Variants in COPA observed in about 807,000 individuals in gnomAD.
COPA encodes the protein coatomer subunit alpha.
Under a neutral mutation model 158.7 loss-of-function variants are expected in COPA, and 10 were observed. That is an observed-to-expected ratio of 0.06 (90% CI 0.04 to 0.11). The LOEUF (loss-of-function observed/expected upper bound fraction) is 0.11. Among genes scored for constraint, COPA ranks in the 10% least tolerant of loss-of-function variants. COPA has a pLI of 1.00. For synonymous variants in COPA, 462 were observed against 542.8 expected, an observed-to-expected ratio of 0.85 and a Z score of 2.07; for missense variants, 1,065 against 1,536.7, an observed-to-expected ratio of 0.69 and a Z score of 5.13.
intron 12 of COPA, 40 bp from the exon 13 acceptor site, chr1:160,309,216 C>T (rs756631228): frequency 6.8e-7 from 1 of 1,463,668 alleles, no homozygotes; most frequent in East Asian, 2.3e-5. Context: ...TAGTGAGAAG[C>T]ACCCAAGATA....
At chr1:160,303,654 C>T (rs190157714) in intron 17 of COPA, among the ~76,000 whole-genome samples, 1 of 152,122 alleles carries the variant, frequency 6.6e-6, no homozygotes, top group African/African-American at 2.4e-5. Context: ...AGGATGAAAC[C>T]TAATATCCAT....
At position 160,291,888 on chromosome 1, in the gene COPA, A is replaced by G; in HGVS notation, c.3189T>C (p.Gly1063=). ...TCTTCCTTTCTGTCTCCACGGACAA[A>G]CCCACAATGTACTCACGGCAAATGG... is the stretch of plus-strand genomic sequence containing the variant. ...LITICREYIV[G]LSVETERKKL... Residue 1063 remains glycine, a synonymous_variant, in exon 30 of 33, where the codon GGT becomes GGC. Transcript: ENST00000241704. 1 of 1,614,074 alleles carries G rather than the reference A, an allele frequency of 6.2e-7. No homozygotes were observed. Among genetic ancestry groups the G allele is most frequent in the East Asian group, 2.2e-5 (1 of 44,878 alleles).
intron 3 of COPA, 88 bp downstream of exon 3, chr1:160,339,821 A>C: frequency 1.6e-6 from 2 of 1,254,170 alleles, no homozygotes; most frequent in Non-Finnish European, 2.3e-6. Flanking sequence ...GTATGAATGA[A>C]ATTTCCTGTC....
In COPA at chr1:160,310,266, T is replaced by G; in HGVS notation, c.1077-8A>C. 1 of 1,567,860 alleles carries G rather than the reference T, an allele frequency of 6.4e-7. No individual in the cohort carries two copies. Among genetic ancestry groups the G allele is most frequent in the Non-Finnish European group, 8.7e-7 (1 of 1,152,742 alleles). On this transcript the variant is annotated splice_region_variant and splice_polypyrimidine_tract_variant and intron_variant, in intron 11 of 32. Transcript: ENST00000241704. ...ACTGGAAACTTGGAACCACTAGAGATATATATAGAAAAAGGAGAAAACAGG... is the reference window on the plus strand; with the variant it reads ...ACTGGAAACTTGGAACCACTAGAGAGATATATAGAAAAAGGAGAAAACAGG...
At chr1:160,311,025 G>A (rs1246061327) in intron 11 of COPA, among the ~76,000 whole-genome samples, 1 of 152,126 alleles carries the variant, frequency 6.6e-6, no homozygotes, top group Non-Finnish European at 1.5e-5. Context: ...TCTCAAGAAG[G>A]GAACTATCAT....
At chr1:160,303,109 G>C (rs538365473) in intron 17 of COPA, among the ~76,000 whole-genome samples, 1 of 152,228 alleles carries the variant, frequency 6.6e-6, no homozygotes, top group South Asian at 2.1e-4. Context: ...GGAGACAGGA[G>C]AATCACTTGA....
At chr1:160,336,436 C>T (rs2101876318) in intron 3 of COPA, among the ~76,000 whole-genome samples, 1 of 152,178 alleles carries the variant, frequency 6.6e-6, no homozygotes. Flanking sequence ...CAAACAACGC[C>T]CATACATGTG....
At chr1:160,318,576 A>G (rs1294313988) in intron 8 of COPA, among the ~76,000 whole-genome samples, 2 of 151,496 alleles carry the variant, frequency 1.3e-5, no homozygotes, top group Non-Finnish European at 2.9e-5. Context: ...TTCATAGACA[A>G]ACCCAGAAGA....
In COPA at chr1:160,290,833, T is replaced by C. The variant is rs1571146472; in HGVS notation, c.3421-147A>G. Reference sequence around the variant, plus strand: ...TCCCAACCTCTGTACTGGATGTATGTGAAGGGTTAACAATCACCATTCCTA... The same window carrying C: ...TCCCAACCTCTGTACTGGATGTATGCGAAGGGTTAACAATCACCATTCCTA... On this transcript the variant is annotated intron_variant, in intron 31 of 32. Transcript: ENST00000241704. The C allele has an allele frequency of 1.2e-5, 9 of 741,878 alleles. No homozygotes were observed. The East Asian group carries it at 2.0e-4, about 16-fold the overall frequency. The allele number at this position is 741,878 out of a possible 1,614,324, so 46.0% of individuals were successfully genotyped here.
intron 6 of COPA, among the ~76,000 whole-genome samples, chr1:160,327,003 G>A (rs1187415851): frequency 2.0e-5 from 3 of 152,090 alleles, no homozygotes; most frequent in East Asian, 1.9e-4. Flanking sequence ...TCTCACATTC[G>A]GAAAGTACTT....
intron 3 of COPA, among the ~76,000 whole-genome samples, chr1:160,338,579 T>C (rs975489014): frequency 5.9e-5 from 9 of 152,192 alleles, no homozygotes; most frequent in Non-Finnish European, 1.3e-4. Flanking sequence ...GCTCTAACTT[T>C]TGCTATTATG....
Position 160,294,872 on chromosome 1 carries a change from A to T in COPA, c.2477-15T>A. The T allele has an allele frequency of 6.2e-7, 1 of 1,602,926 alleles. No individual in the cohort carries two copies. Among genetic ancestry groups the T allele is most frequent in the Non-Finnish European group, 8.5e-7 (1 of 1,169,814 alleles). ...TCCTCCCTTCCCTACAGAGGGAAGG[A>T]ACAGAACGGAACTGGTTATAGTCCA... On this transcript the variant is annotated splice_polypyrimidine_tract_variant and intron_variant, in intron 23 of 32. Coordinates refer to ENST00000241704, the MANE Select transcript of COPA (RefSeq NM_004371.4).
chr1:160,305,799 A>C, intron 15 of COPA, 26 bp from the exon 16 acceptor site: 1 of 1,577,486 alleles, frequency 6.3e-7, no homozygotes, highest in Non-Finnish European at 8.7e-7. Flanking sequence ...ATGTGCAAAC[A>C]TGAATGGATC....
At chr1:160,315,909 G>C (rs1476993816) in intron 8 of COPA, among the ~76,000 whole-genome samples, 1 of 152,154 alleles carries the variant, frequency 6.6e-6, no homozygotes, top group East Asian at 1.9e-4. Flanking sequence ...TACCAGAGAA[G>C]TTTAACAAAG....
Position 160,298,112 on chromosome 1 carries a change from C to T in COPA, c.1978-367G>A, listed in dbSNP as rs886966820. Among the ~76,000 whole-genome samples the T allele has an allele frequency of 2.7e-5, 4 of 150,908 alleles. 1 individual carries two copies. Among genetic ancestry groups the T allele is most frequent in the African/African-American group, 9.8e-5 (4 of 40,974 alleles). On this transcript the variant is annotated intron_variant, in intron 19 of 32. Transcript: ENST00000241704. ...AGGAGAATCGCTTGGACCCAGGAGGCGGAGGTTGCAGTGAGCCGAGATCAT... is the reference window on the plus strand; with the variant it reads ...AGGAGAATCGCTTGGACCCAGGAGGTGGAGGTTGCAGTGAGCCGAGATCAT...
At chr1:160,296,932 T>C (rs1658437162) in intron 21 of COPA, among the ~76,000 whole-genome samples, 1 of 152,216 alleles carries the variant, frequency 6.6e-6, no homozygotes, top group African/African-American at 2.4e-5. Context: ...TGTTTCCTAA[T>C]GTATCTTAAA....
At position 160,329,987 on chromosome 1, in the gene COPA, C is replaced by A. The variant is rs150531514; in HGVS notation, c.496+2461G>T. On this transcript the variant is annotated intron_variant, in intron 6 of 32. Transcript: ENST00000241704. ...AAAATTAGCTGGGCATGGTGGCATGCCCTTGTAGTCCCAGCTACTTGGAAG... is the reference window on the plus strand; with the variant it reads ...AAAATTAGCTGGGCATGGTGGCATGACCTTGTAGTCCCAGCTACTTGGAAG... Among the ~76,000 whole-genome samples the A allele has an allele frequency of 3.9e-3, 588 of 152,164 alleles. 5 individuals carry two copies. Among genetic ancestry groups the A allele is most frequent in the Non-Finnish European group, 5.9e-3 (404 of 68,006 alleles).
Position 160,331,426 on chromosome 1 carries a change from G to A in COPA, c.496+1022C>T, listed in dbSNP as rs566848780. On this transcript the variant is annotated intron_variant, in intron 6 of 32. Transcript: ENST00000241704. ...CCAGCACTTTGGGAGGCTGAGGCAG[G>A]AGAATCACCTGAGGTCAGGAGTTCG... Among the ~76,000 whole-genome samples, 143 of 152,070 alleles carry A rather than the reference G, an allele frequency of 9.4e-4. 1 individual carries two copies. The highest frequency in any genetic ancestry group is 3.4e-3 in the African/African-American group (141 of 41,496).
Position 160,306,503 on chromosome 1 carries a change from G to A in COPA, c.1303-10C>T. ...GATTCTTGATCAGAAGCTGCAATAA[G>A]TATTAAAGATGGGGTTAAGAGAAGA... On this transcript the variant is annotated splice_polypyrimidine_tract_variant and intron_variant, in intron 14 of 32. Transcript: ENST00000241704. 1.2e-6 allele frequency: 2 copies of A among 1,614,132 alleles called. No homozygotes were observed. The highest frequency in any genetic ancestry group is 1.7e-6 in the Non-Finnish European group (2 of 1,179,986).
Sources: allele counts gnomAD v4.1 joint callset (sites outside exome capture counted in the v4.1 genomes callset), GRCh38; gene constraint gnomAD v4.1.1; transcripts MANE v1.5; gene names NCBI Gene and HGNC (gene_info 2026-07-23, HGNC 2026-07-21).